Variants in PRELID2 observed in about 807,000 individuals in gnomAD.
PRELID2 encodes PRELI domain containing 2.
Under a neutral mutation model 28.4 loss-of-function variants are expected in PRELID2, and 25 were observed. The ratio of observed to expected loss-of-function variants is 0.88; its 90% CI spans 0.64 to 1.23. PRELID2 has a LOEUF of 1.23. Among genes scored for constraint, PRELID2 ranks in the 50% most tolerant of loss-of-function variants. PRELID2 has a pLI of 0.00. For missense variants in PRELID2, 201 were observed against 214.4 expected (o/e 0.94, Z 0.39); for synonymous variants, 76 against 71.6 (o/e 1.06, Z -0.31).
chr5:145,784,771 A>C (rs1446238078), intron 5 of PRELID2, among the ~76,000 whole-genome samples: 1 of 124,152 alleles, frequency 8.1e-6, no homozygotes, highest in Non-Finnish European at 1.6e-5. Flanking sequence ...AGTTGGGCTA[A>C]ATAATCCCAA....
chr5:145,771,615 G>A (rs966575627), intron 5 of PRELID2, among the ~76,000 whole-genome samples: 6 of 151,966 alleles, frequency 3.9e-5, no homozygotes, highest in Admixed American at 3.3e-4. Flanking sequence ...AGCACTTTGG[G>A]GAGGCTGAGG....
chr5:145,307,602 A>C, the PRELID2 span, among the ~76,000 whole-genome samples: 1 of 152,010 alleles, frequency 6.6e-6, no homozygotes, highest in Non-Finnish European at 1.5e-5. Flanking sequence ...ACCCAACAAA[A>C]GTGTACATTA....
rs139907545 is a variant in PRELID2, at chr5:145,487,263, G to A, written n.71-13948C>T. Among the ~76,000 whole-genome samples, 127 of 151,540 alleles carry A rather than the reference G, an allele frequency of 8.4e-4. No homozygotes were observed. The East Asian group carries it at 0.011, about 13-fold the overall frequency. The stretch of plus-strand genomic sequence containing the variant: ...TAATAATAAAAAAAAAGACTAAGTC[G>A]TCAGGGGGCCACAGTCTTTCTTCAG... On this transcript the variant is annotated intron_variant and non_coding_transcript_variant, in intron 1 of 2. Coordinates refer to the PRELID2 transcript ENST00000510259.
chr5:145,732,167 A>G (rs1756365024), intron 1 of PRELID2, among the ~76,000 whole-genome samples: 1 of 152,236 alleles, frequency 6.6e-6, no homozygotes, highest in Non-Finnish European at 1.5e-5. Flanking sequence ...GAATTCCACC[A>G]GAGAGCAACT....
At chr5:145,303,407 T>C in the PRELID2 span, among the ~76,000 whole-genome samples, 1 of 152,222 alleles carries the variant, frequency 6.6e-6, no homozygotes, top group Non-Finnish European at 1.5e-5. Context: ...CCAGAAGATT[T>C]AGAAGCTTAT....
At chr5:145,253,977 A>G in the PRELID2 span, among the ~76,000 whole-genome samples, 2 of 152,130 alleles carry the variant, frequency 1.3e-5, no homozygotes, top group African/African-American at 4.8e-5. Context: ...AATAGGAGGT[A>G]TCTCATATGA....
the PRELID2 span, among the ~76,000 whole-genome samples, chr5:145,420,296 G>C: frequency 1.3e-5 from 2 of 152,084 alleles, no homozygotes; most frequent in African/African-American, 2.4e-5. Flanking sequence ...GATGGGGATG[G>C]CATTGAATCT....
chr5:145,735,516 C>T (rs891634739), intron 1 of PRELID2, among the ~76,000 whole-genome samples: 1 of 151,904 alleles, frequency 6.6e-6, no homozygotes, highest in African/African-American at 2.4e-5. Context: ...GGAAGCATAA[C>T]TCAAGAAGTA....
At chr5:145,686,209 C>G (rs546962106) in intron 1 of PRELID2, among the ~76,000 whole-genome samples, 177 of 152,264 alleles carry the variant, frequency 1.2e-3, no homozygotes, top group African/African-American at 4.2e-3. Flanking sequence ...TTGCCTCACC[C>G]AAACCCTACA....
chr5:145,588,066 C>T (rs769021865), intron 1 of PRELID2, among the ~76,000 whole-genome samples: 3 of 152,158 alleles, frequency 2.0e-5, no homozygotes, highest in Non-Finnish European at 4.4e-5. Context: ...ATTCCATTTC[C>T]CTTCCAGCAG....
the PRELID2 span, among the ~76,000 whole-genome samples, chr5:145,382,521 A>G: frequency 6.6e-6 from 1 of 152,104 alleles, no homozygotes; most frequent in Non-Finnish European, 1.5e-5. Context: ...AAAATGGCAG[A>G]TAACTTTTTG....
chr5:145,564,038 T>C (rs769616138), intron 1 of PRELID2, among the ~76,000 whole-genome samples: 2 of 152,208 alleles, frequency 1.3e-5, no homozygotes, highest in Non-Finnish European at 2.9e-5. Flanking sequence ...AAGTAAAATA[T>C]AAGCAATTTT....
At chr5:145,650,533 T>C (rs1196954695) in intron 1 of PRELID2, among the ~76,000 whole-genome samples, 8 of 9,694 alleles carry the variant, frequency 8.3e-4, no homozygotes, top group Middle Eastern at 0.038. Context: ...CATATATACA[T>C]ATATATATAT....
chr5:145,821,294 C>G (rs547261414), intron 2 of PRELID2, among the ~76,000 whole-genome samples: 17 of 147,950 alleles, frequency 1.1e-4, no homozygotes, highest in African/African-American at 4.0e-4. Flanking sequence ...TGTTTAAGCT[C>G]TCTTCTGTGT....
chr5:145,291,478 T>G, the PRELID2 span, among the ~76,000 whole-genome samples: 1 of 151,682 alleles, frequency 6.6e-6, no homozygotes, highest in Non-Finnish European at 1.5e-5. Context: ...GAAAGGTGCC[T>G]CCTAGCAGCT....
intron 1 of PRELID2, among the ~76,000 whole-genome samples, chr5:145,489,259 A>G (rs1752247213): frequency 6.6e-6 from 1 of 152,198 alleles, no homozygotes; most frequent in Non-Finnish European, 1.5e-5. Flanking sequence ...AAAGGATTCC[A>G]CCGGATAAAC....
chr5:145,692,945 T>G (rs1038662080), intron 1 of PRELID2, among the ~76,000 whole-genome samples: 1 of 152,126 alleles, frequency 6.6e-6, no homozygotes, highest in African/African-American at 2.4e-5. Context: ...GGTTACCAAG[T>G]GGATTTCTAG....
At chr5:145,608,822 C>A (rs1301949500) in intron 1 of PRELID2, among the ~76,000 whole-genome samples, 1 of 152,172 alleles carries the variant, frequency 6.6e-6, no homozygotes, top group African/African-American at 2.4e-5. Context: ...AGGATGATAT[C>A]CTGAAATATG....
chr5:145,260,039 G>T, the PRELID2 span, among the ~76,000 whole-genome samples: 2 of 152,088 alleles, frequency 1.3e-5, no homozygotes, highest in African/African-American at 4.8e-5. Flanking sequence ...AGATCTGGTC[G>T]TTTAAAAGTG....
Sources: allele counts gnomAD v4.1 joint callset (sites outside exome capture counted in the v4.1 genomes callset), GRCh38; gene constraint gnomAD v4.1.1; transcripts MANE v1.5; gene names NCBI Gene and HGNC (gene_info 2026-07-23, HGNC 2026-07-21).